Variants in DACH1 observed in about 807,000 individuals in gnomAD.
The protein encoded by DACH1 is dachshund homolog 1.
DACH1 carries 12 observed loss-of-function variants against 54.2 expected under a neutral mutation model. That is an observed-to-expected ratio of 0.22 (90% CI 0.14 to 0.36). The LOEUF (loss-of-function observed/expected upper bound fraction) is 0.36. Among genes scored for constraint, DACH1 ranks in the 10% least tolerant of loss-of-function variants. The probability of loss-of-function intolerance (pLI) is 1.00; values close to 1 mark genes in which losing one functional copy is unlikely to be tolerated. For synonymous variants in DACH1, 386 were observed against 366.2 expected, an observed-to-expected ratio of 1.05 and a Z score of -0.62; for missense variants, 805 against 929.8, an observed-to-expected ratio of 0.87 and a Z score of 1.75.
intron 1 of DACH1, among the ~76,000 whole-genome samples, chr13:71,862,120 C>A (rs1312542248): frequency 6.6e-6 from 1 of 151,852 alleles, no homozygotes; most frequent in African/African-American, 2.4e-5. Flanking sequence ...AAGTTAAAAA[C>A]CCCTCAAATC....
At chr13:71,745,977 T>G (rs1884586275) in intron 1 of DACH1, among the ~76,000 whole-genome samples, 1 of 152,176 alleles carries the variant, frequency 6.6e-6, no homozygotes, top group Non-Finnish European at 1.5e-5. Context: ...CCCAGCACTT[T>G]CGGAGGCCAA....
intron 2 of DACH1, among the ~76,000 whole-genome samples, chr13:71,641,499 G>A (rs954836011): frequency 1.3e-5 from 2 of 152,058 alleles, no homozygotes; most frequent in African/African-American, 4.8e-5. Flanking sequence ...TTCCTCATCT[G>A]GTTACAAAGA....
In DACH1 at chr13:71,472,291, C is replaced by T. The variant is rs76384599; in HGVS notation, c.2083+2850G>A. On this transcript the variant is annotated intron_variant, in intron 10 of 10. Transcript: ENST00000613252. ...CAAGTAAATTATTTAGGGCTTCTTT[C>T]TTCAGAAATACTTTCTAAACTACTT... is the stretch of plus-strand genomic sequence containing the variant. Among the ~76,000 whole-genome samples the T allele has an allele frequency of 1.1e-3, 174 of 152,288 alleles. 7 individuals are homozygous for T. In the East Asian group the frequency reaches 0.031, roughly 27 times the overall value.
At chr13:71,446,896 G>A (rs914138912) in intron 10 of DACH1, among the ~76,000 whole-genome samples, 3 of 152,200 alleles carry the variant, frequency 2.0e-5, no homozygotes, top group Non-Finnish European at 4.4e-5. Flanking sequence ...TTGCATGGGA[G>A]GTTGATATGA....
At position 71,528,425 on chromosome 13, in the gene DACH1, C is replaced by CTTTTTTTTT. The variant is rs71198120; in HGVS notation, c.1570+28590_1570+28598dup. On this transcript the variant is annotated intron_variant, in intron 6 of 10. Coordinates refer to ENST00000613252, the MANE Select transcript of DACH1 (RefSeq NM_080759.6). ...TTTTAGAAACGGAAAAACAGATTTT[C>CTTTTTTTTT]TTTTTTTTTTTTTTTTTTTTGAGAC... is the stretch of plus-strand genomic sequence containing the variant. Among the ~76,000 whole-genome samples the CTTTTTTTTT allele has an allele frequency of 5.4e-5, 6 of 111,126 alleles. 1 individual carries two copies. The highest frequency in any genetic ancestry group is 8.6e-5 in the Non-Finnish European group (5 of 58,174). The allele number at this position is 111,126 out of a possible 152,430, so 72.9% of individuals were successfully genotyped here.
At chr13:71,803,918 A>C (rs571496745) in intron 1 of DACH1, among the ~76,000 whole-genome samples, 1 of 152,288 alleles carries the variant, frequency 6.6e-6, no homozygotes, top group East Asian at 1.9e-4. Context: ...TGTGCCTAGG[A>C]CTGGGTATTT....
At chr13:71,495,571 C>T (rs565598017) in intron 6 of DACH1, among the ~76,000 whole-genome samples, 1 of 152,002 alleles carries the variant, frequency 6.6e-6, no homozygotes, top group Non-Finnish European at 1.5e-5. Context: ...TCAATTGTAA[C>T]CTCAGTACTG....
chr13:71,724,660 T>C (rs1258347663), intron 1 of DACH1, among the ~76,000 whole-genome samples: 2 of 152,104 alleles, frequency 1.3e-5, no homozygotes, highest in Admixed American at 1.3e-4. Flanking sequence ...TATCAAAAAA[T>C]ACATAGAAAA....
intron 1 of DACH1, among the ~76,000 whole-genome samples, chr13:71,748,930 T>C (rs1040407019): frequency 0.013 from 579 of 44,954 alleles, 15 homozygotes; most frequent in African/African-American, 0.026. Context: ...CTTTCTTTCT[T>C]TCTTTCTTTC....
intron 3 of DACH1, among the ~76,000 whole-genome samples, chr13:71,614,908 G>T (rs540760997): frequency 8.9e-6 from 1 of 112,054 alleles, no homozygotes; most frequent in African/African-American, 3.4e-5. Flanking sequence ...CCAAATACAA[G>T]AAATCATTTG....
intron 1 of DACH1, chr13:71,704,647 A>C (rs1594116904): frequency 2.6e-6 from 1 of 379,522 alleles, no homozygotes; most frequent in East Asian, 7.3e-5. Flanking sequence ...CTGTGGATTC[A>C]TGGCTTAAAA....
chr13:71,546,293 G>T (rs560558881), intron 6 of DACH1, among the ~76,000 whole-genome samples: 2 of 151,930 alleles, frequency 1.3e-5, no homozygotes, highest in Non-Finnish European at 2.9e-5. Context: ...TTTTTCAAAA[G>T]AGGGATATAT....
At chr13:71,677,058 C>T (rs571995228) in intron 2 of DACH1, among the ~76,000 whole-genome samples, 60 of 152,210 alleles carry the variant, frequency 3.9e-4, no homozygotes, top group Admixed American at 1.3e-3. Flanking sequence ...AATTTGCATA[C>T]TGACTTAAAG....
intron 1 of DACH1, among the ~76,000 whole-genome samples, chr13:71,712,371 A>T (rs1026913601): frequency 6.6e-6 from 1 of 152,108 alleles, no homozygotes; most frequent in Non-Finnish European, 1.5e-5. Flanking sequence ...TATATAGATA[A>T]CATACATATT....
At chr13:71,765,771 A>G (rs1028503010) in intron 1 of DACH1, among the ~76,000 whole-genome samples, 3 of 152,188 alleles carry the variant, frequency 2.0e-5, no homozygotes, top group Non-Finnish European at 2.9e-5. Context: ...TAATGTTTCC[A>G]TAACAACTAA....
intron 1 of DACH1, among the ~76,000 whole-genome samples, chr13:71,804,763 T>C (rs748745830): frequency 3.0e-4 from 45 of 152,210 alleles, no homozygotes; most frequent in Non-Finnish European, 4.1e-4. Context: ...TAAACTAGAA[T>C]TGATCTTTCC....
chr13:71,589,547 T>TA (rs1873538991), intron 3 of DACH1, among the ~76,000 whole-genome samples: 1 of 151,966 alleles, frequency 6.6e-6, no homozygotes, highest in Non-Finnish European at 1.5e-5. Flanking sequence ...TTGTAGACCG[T>TA]AAGTCAGTAT....
At chr13:71,779,320 T>C (rs1259784565) in intron 1 of DACH1, among the ~76,000 whole-genome samples, 2 of 147,636 alleles carry the variant, frequency 1.4e-5, no homozygotes, top group Admixed American at 6.8e-5. Flanking sequence ...TACATATATA[T>C]ATAACATGCA....
chr13:71,587,827 T>C (rs1482935292), intron 3 of DACH1, among the ~76,000 whole-genome samples: 2 of 151,936 alleles, frequency 1.3e-5, no homozygotes, highest in African/African-American at 4.8e-5. Context: ...ATAAAAAAGA[T>C]AGCTCCCAGA....
Sources: gnomAD v4.1 joint callset for allele counts (sites outside exome capture counted in the v4.1 genomes callset) on GRCh38, gnomAD v4.1.1 for gene constraint, MANE v1.5 for transcripts, NCBI Gene and HGNC (gene_info 2026-07-23, HGNC 2026-07-21) for gene names.